The following SLC38A4 variants were observed in gnomAD, a reference collection of about 807,000 sequenced individuals.
The protein encoded by SLC38A4 is solute carrier family 38 member 4, also known as sodium-coupled neutral amino acid transporter 4.
SLC38A4 carries 20 observed loss-of-function variants against 63.1 expected under a neutral mutation model. The ratio of observed to expected loss-of-function variants is 0.32; its 90% confidence interval spans 0.22 to 0.46. The LOEUF is 0.46. Ranked by LOEUF, SLC38A4 falls within the 20% of genes least tolerant of loss-of-function variation. The pLI, the probability that SLC38A4 is intolerant of heterozygous loss-of-function variation, is 1.00. For synonymous variants in SLC38A4, 230 were observed against 225.5 expected, an observed-to-expected ratio of 1.02 and a Z score of -0.18; for missense variants, 526 against 663.6, an observed-to-expected ratio of 0.79 and a Z score of 2.28.
At chr12:46,784,666 G>A (rs752575777) in intron 6 of SLC38A4, 32 bp from the exon 7 acceptor site, 2 of 1,544,920 alleles carry the variant, frequency 1.3e-6, no homozygotes, top group Non-Finnish European at 1.8e-6. Context: ...CCTTGTTAAA[G>A]AGATTGTTTT....
In SLC38A4 at chr12:46,775,050, G is replaced by A. The variant is rs749089697; in HGVS notation, c.1298C>T (p.Pro433Leu). The A allele has an allele frequency of 6.2e-7, 1 of 1,612,136 alleles. No individual in the cohort carries two copies. The highest frequency in any genetic ancestry group is 8.5e-7 in the Non-Finnish European group (1 of 1,178,780). Residue 433 changes from proline to leucine, a missense_variant and splice_region_variant, in exon 14 of 17, where the codon CCA (proline) becomes CTA (leucine). Physicochemically the swap from Pro to Leu is moderately conservative, Grantham distance 98. Transcript: ENST00000266579. ...VTLTVPIVLFPIRTSVITLLF... is the reference protein window; with the variant it reads ...VTLTVPIVLFLIRTSVITLLF... ...TTCATCAAAGTCTTATGTACTTACTGGGAAGAGGACAATGGGCACAGTTAG... is the reference window on the plus strand; with the variant it reads ...TTCATCAAAGTCTTATGTACTTACTAGGAAGAGGACAATGGGCACAGTTAG...
intron 14 of SLC38A4, among the ~76,000 whole-genome samples, chr12:46,773,038 A>C (rs138040995): frequency 1.3e-5 from 2 of 152,208 alleles, no homozygotes; most frequent in East Asian, 3.9e-4. Context: ...ATTTTAGTAA[A>C]GAAAAAAAAT....
In SLC38A4 at chr12:46,765,458, T is replaced by C; in HGVS notation, c.*1243A>G. 2.7e-6 allele frequency: 1 copy of C among 372,738 alleles called. No individual in the cohort carries two copies. The highest frequency in any genetic ancestry group is 5.1e-6 in the Non-Finnish European group (1 of 194,282). The allele number at this position is 372,738 out of a possible 1,614,324, so 23.1% of individuals were successfully genotyped here. A position where few individuals can be genotyped will look rare whatever the true frequency, so the allele number is the denominator to read the frequency against. ...AATTAAAAGAACAACTTTAGTATGATAAAAATTTGCAAAAAGAAACTTATT... is the reference window on the plus strand; with the variant it reads ...AATTAAAAGAACAACTTTAGTATGACAAAAATTTGCAAAAAGAAACTTATT... On this transcript the variant is annotated 3_prime_UTR_variant, in exon 17 of 17. Coordinates refer to ENST00000266579, the MANE Select transcript of SLC38A4 (RefSeq NM_018018.5).
rs768367049 is a variant in SLC38A4, at chr12:46,766,173, A to T, written c.*528T>A. 2.2e-4 allele frequency: 75 copies of T among 337,660 alleles called. No homozygotes were observed. Among genetic ancestry groups the T allele is most frequent in the Non-Finnish European group, 4.1e-4 (71 of 171,182 alleles). The allele number at this position is 337,660 out of a possible 1,614,324, so 20.9% of individuals were successfully genotyped here. On this transcript the variant is annotated 3_prime_UTR_variant, in exon 17 of 17. Transcript: ENST00000266579. Reference sequence around the variant, plus strand: ...GCTCTAGACTGGTGTTTGACCATTCATGTACCTTACAGAAACAGAAACAGT... The same window carrying T: ...GCTCTAGACTGGTGTTTGACCATTCTTGTACCTTACAGAAACAGAAACAGT...
chr12:46,812,949 G>T (rs912230488), intron 1 of SLC38A4, among the ~76,000 whole-genome samples: 2 of 152,002 alleles, frequency 1.3e-5, no homozygotes, highest in Non-Finnish European at 2.9e-5. Flanking sequence ...GAATTGGAAT[G>T]AGCTGTCTTT....
upstream of SLC38A4, among the ~76,000 whole-genome samples, chr12:46,828,082 A>T (rs12317975): frequency 0.31 from 47,470 of 151,454 alleles, 8,478 homozygotes; most frequent in African/African-American, 0.47. Flanking sequence ...AGAGTACTGA[A>T]CTCTTAAATT....
intron 3 of SLC38A4, among the ~76,000 whole-genome samples, chr12:46,789,502 G>C (rs1018862296): frequency 2.0e-5 from 3 of 152,110 alleles, no homozygotes. Context: ...CTTGGTTATA[G>C]AGCTGTGCTG....
chr12:46,797,545 T>C (rs1939039719), intron 2 of SLC38A4, among the ~76,000 whole-genome samples: 1 of 152,144 alleles, frequency 6.6e-6, no homozygotes, highest in Non-Finnish European at 1.5e-5. Flanking sequence ...GCTTTCCTGG[T>C]TCTCCAGCTT....
chr12:46,805,962 G>A (rs1939223063), intron 1 of SLC38A4, among the ~76,000 whole-genome samples: 1 of 151,780 alleles, frequency 6.6e-6, no homozygotes, highest in African/African-American at 2.4e-5. Flanking sequence ...AACCTACTTA[G>A]TGTCAGCAGA....
intron 1 of SLC38A4, among the ~76,000 whole-genome samples, chr12:46,820,868 T>G (rs1224628699): frequency 1.3e-5 from 2 of 152,040 alleles, no homozygotes; most frequent in Non-Finnish European, 2.9e-5. Flanking sequence ...ATAATAGCCG[T>G]CCTAATGTGT....
At chr12:46,824,488 A>T (rs1369583610) in intron 1 of SLC38A4, 2 of 152,176 alleles carry the variant, frequency 1.3e-5, no homozygotes, top group African/African-American at 2.4e-5. Flanking sequence ...ATCCCACTGA[A>T]GTTCCAAGTT....
intron 1 of SLC38A4, among the ~76,000 whole-genome samples, chr12:46,821,105 G>A (rs1018252232): frequency 8.6e-5 from 13 of 151,870 alleles, no homozygotes; most frequent in African/African-American, 1.9e-4. Flanking sequence ...CTCCCATTCC[G>A]CAGGTTGCCT....
chr12:46,827,481 C>G (rs1234749668), upstream of SLC38A4, among the ~76,000 whole-genome samples: 1 of 152,138 alleles, frequency 6.6e-6, no homozygotes, highest in Admixed American at 6.5e-5. Flanking sequence ...TATGAAAACC[C>G]AGGATCTTGA....
At chr12:46,820,226 C>T (rs1009903869) in intron 1 of SLC38A4, among the ~76,000 whole-genome samples, 63 of 152,080 alleles carry the variant, frequency 4.1e-4, no homozygotes, top group African/African-American at 1.4e-3. Flanking sequence ...ACCCTATTAA[C>T]AACACTTTCG....
At chr12:46,819,305 GGAGA>G (rs144873564) in intron 1 of SLC38A4, among the ~76,000 whole-genome samples, 1 of 149,746 alleles carries the variant, frequency 6.7e-6, no homozygotes. Context: ...GGAGGGAGGG[GGAGA>G]GAGAGAGAGA....
chr12:46,831,456 C>G (rs1050185308), intron 1 of SLC38A4, among the ~76,000 whole-genome samples: 2 of 152,258 alleles, frequency 1.3e-5, no homozygotes, highest in African/African-American at 4.8e-5. Context: ...ACCCCACTAT[C>G]CGTCCCCGTT....
chr12:46,766,878 T>C lies in SLC38A4; in HGVS notation c.1543-76A>G, dbSNP rs1285571897. On this transcript the variant is annotated intron_variant, in intron 16 of 16. Coordinates refer to ENST00000266579, the MANE Select transcript of SLC38A4 (RefSeq NM_018018.5). ...ATTTGTTTTTTAGTTGTTTACATAA[T>C]ATGGCAATCTGATCTATATATTGAG... 6 of 942,340 alleles carry C rather than the reference T, an allele frequency of 6.4e-6. No homozygotes were observed. In the Admixed American group the frequency reaches 1.3e-4, roughly 20 times the overall value. 58.4% of individuals were successfully genotyped at this position (942,340 alleles called of 1,614,324 possible).
In SLC38A4 at chr12:46,820,651, T is replaced by G. The variant is rs570978789; in HGVS notation, c.-305+5252A>C. Among the ~76,000 whole-genome samples, 3 of 152,226 alleles carry G rather than the reference T, an allele frequency of 2.0e-5. No homozygotes were observed. The East Asian group carries it at 5.8e-4, about 29-fold the overall frequency. On this transcript the variant is annotated intron_variant, in intron 1 of 16. Transcript: ENST00000266579. ...AGCAATGAACATAGGAGTGCAGGTA[T>G]CGCTCTGAGATTTTGATTTCAATTC...
chr12:46,778,219 T>C, intron 12 of SLC38A4, 70 bp downstream of exon 12: 7 of 1,452,530 alleles, frequency 4.8e-6, no homozygotes, highest in Non-Finnish European at 6.8e-6. Flanking sequence ...GTGTTTCCTG[T>C]TAAAGAATCT....
Sources: gnomAD v4.1 joint callset for allele counts (sites outside exome capture counted in the v4.1 genomes callset) on GRCh38, gnomAD v4.1.1 for gene constraint, MANE v1.5 for transcripts, NCBI Gene and HGNC (gene_info 2026-07-23, HGNC 2026-07-21) for gene names.